Variants in ANO6 observed in about 807,000 individuals in gnomAD.
ANO6 encodes the protein anoctamin-6.
Under a neutral mutation model 117.5 loss-of-function variants are expected in ANO6, and 106 were observed. That is an observed-to-expected ratio of 0.90 (90% CI 0.77 to 1.06). The LOEUF (loss-of-function observed/expected upper bound fraction) is 1.06. Ranked by LOEUF, ANO6 falls within the 50% of genes least tolerant of loss-of-function variation. The probability of loss-of-function intolerance (pLI) is 0.00; values close to 1 mark genes in which losing one functional copy is unlikely to be tolerated. For missense variants in ANO6, 955 were observed against 1,121.1 expected (o/e 0.85, Z 2.12); for synonymous variants, 367 against 385.1 (o/e 0.95, Z 0.55).
At chr12:45,395,276 C>T (rs981397781) in intron 12 of ANO6, among the ~76,000 whole-genome samples, 2 of 152,110 alleles carry the variant, frequency 1.3e-5, no homozygotes, top group African/African-American at 4.8e-5. Flanking sequence ...ATACACCCTC[C>T]CAACACTAAA....
intron 1 of ANO6, among the ~76,000 whole-genome samples, chr12:45,252,001 C>T (rs1057507814): frequency 6.6e-6 from 1 of 152,178 alleles, no homozygotes; most frequent in African/African-American, 2.4e-5. Flanking sequence ...CACTTCGTGG[C>T]CCCTCAATCA....
chr12:45,394,986 A>G (rs1282980985), intron 12 of ANO6, among the ~76,000 whole-genome samples: 1 of 152,114 alleles, frequency 6.6e-6, no homozygotes. Flanking sequence ...GCAAGAAATA[A>G]CTAAGAGCAG....
chr12:45,312,009 T>C (rs1349364973), intron 2 of ANO6, among the ~76,000 whole-genome samples: 3 of 152,090 alleles, frequency 2.0e-5, no homozygotes, highest in Non-Finnish European at 2.9e-5. Context: ...GTGTTCATTC[T>C]ACCTGGTTTT....
rs896988308 is a variant in ANO6 at position 45,262,918 on chromosome 12, C to T, written c.71-39096C>T. Among the ~76,000 whole-genome samples the T allele has an allele frequency of 1.5e-4, 23 of 152,198 alleles. 1 individual carries two copies. The highest frequency in any genetic ancestry group is 1.3e-3 in the Admixed American group (20 of 15,282). On this transcript the variant is annotated intron_variant, in intron 1 of 19. Coordinates refer to ENST00000320560, the MANE Select transcript of ANO6 (RefSeq NM_001025356.3). Reference sequence around the variant, plus strand: ...GTAGTGAACAAAACATGGCTTTTGTCCTTCAGGACCTGTTGGAGGAAATGG... The same window carrying T: ...GTAGTGAACAAAACATGGCTTTTGTTCTTCAGGACCTGTTGGAGGAAATGG...
intron 1 of ANO6, chr12:45,292,697 G>A (rs1939141921): frequency 7.6e-7 from 1 of 1,316,544 alleles, no homozygotes; most frequent in African/African-American, 1.5e-5. Context: ...GGCAGAGGAG[G>A]CTTGTAGGAA....
At chr12:45,255,818 G>GGTTTTTTTTTTTTTTTTTTTTTTTTTTT (rs749001458) in intron 1 of ANO6, among the ~76,000 whole-genome samples, 4 of 81,692 alleles carry the variant, frequency 4.9e-5, no homozygotes, top group African/African-American at 1.8e-4. Flanking sequence ...CTCCCTGGGT[G>GGTTTTTTTTTTTTTTTTTTTTTTTTTTT]TTTTTTTTTT....
chr12:45,402,144 A>G, intron 13 of ANO6, 124 bp downstream of exon 13: 1 of 798,680 alleles, frequency 1.3e-6, no homozygotes, highest in Non-Finnish European at 2.0e-6. Flanking sequence ...TTTCAAGTGT[A>G]AACATATTTT....
chr12:45,320,624 A>G (rs554525272), intron 2 of ANO6, among the ~76,000 whole-genome samples: 4 of 152,174 alleles, frequency 2.6e-5, no homozygotes, highest in East Asian at 1.9e-4. Context: ...TTCTGTAGCT[A>G]TCTATTAGGT....
intron 1 of ANO6, among the ~76,000 whole-genome samples, chr12:45,262,144 C>A (rs920044231): frequency 6.6e-6 from 1 of 151,990 alleles, no homozygotes; most frequent in Admixed American, 6.6e-5. Flanking sequence ...CAAAAATCAC[C>A]CCAACACTAC....
At chr12:45,399,028 A>G (rs1942707544) in intron 12 of ANO6, among the ~76,000 whole-genome samples, 1 of 152,184 alleles carries the variant, frequency 6.6e-6, no homozygotes, top group Non-Finnish European at 1.5e-5. Flanking sequence ...AGTCAAAGCT[A>G]GATAACTGCA....
intron 3 of ANO6, among the ~76,000 whole-genome samples, chr12:45,338,058 A>G (rs1166974334): frequency 6.6e-6 from 1 of 152,136 alleles, no homozygotes; most frequent in Non-Finnish European, 1.5e-5. Flanking sequence ...GAGTAATAAA[A>G]TGATTTATTA....
intron 19 of ANO6, among the ~76,000 whole-genome samples, chr12:45,425,016 G>C (rs1943466846): frequency 6.6e-6 from 1 of 152,034 alleles, no homozygotes; most frequent in Non-Finnish European, 1.5e-5. Context: ...GTAACCTCAA[G>C]GGTTTGTTTG....
chr12:45,295,760 CA>C (rs145572050), intron 1 of ANO6, among the ~76,000 whole-genome samples: 217 of 149,426 alleles, frequency 1.5e-3, no homozygotes, highest in African/African-American at 5.0e-3. Flanking sequence ...GGGGTTTCAC[CA>C]CTTTAGCCAG....
intron 1 of ANO6, among the ~76,000 whole-genome samples, chr12:45,240,180 G>A (rs978130430): frequency 3.3e-4 from 50 of 151,870 alleles, no homozygotes; most frequent in African/African-American, 1.1e-3. Flanking sequence ...AGGTCTCCAA[G>A]GACTTGCTTT....
At chr12:45,424,660 A>G (rs1943455458) in intron 19 of ANO6, among the ~76,000 whole-genome samples, 1 of 152,116 alleles carries the variant, frequency 6.6e-6, no homozygotes, top group Non-Finnish European at 1.5e-5. Flanking sequence ...TTAATAGGGC[A>G]GTGAGCAATA....
At chr12:45,426,685 C>T (rs936925336) in intron 19 of ANO6, among the ~76,000 whole-genome samples, 56 of 152,206 alleles carry the variant, frequency 3.7e-4, no homozygotes, top group African/African-American at 1.3e-3. Flanking sequence ...TCACTGGGCT[C>T]CTAGGAAAGT....
At chr12:45,410,000 C>T (rs1943045105) in intron 16 of ANO6, among the ~76,000 whole-genome samples, 1 of 152,224 alleles carries the variant, frequency 6.6e-6, no homozygotes. Flanking sequence ...AAATGATCCA[C>T]CCACCTTAGC....
intron 1 of ANO6, among the ~76,000 whole-genome samples, chr12:45,252,199 AACACACCATCAC>A (rs1937644838): frequency 6.6e-6 from 1 of 152,232 alleles, no homozygotes; most frequent in African/African-American, 2.4e-5. Flanking sequence ...CACCTGGCAG[AACACACCATCAC>A]ACACACAAAA....
rs1943616362 is a variant in ANO6 at position 45,430,914 on chromosome 12, A to T, written c.*1603A>T. 2 of 985,286 alleles carry T rather than the reference A, an allele frequency of 2.0e-6. No homozygotes were observed. The highest frequency in any genetic ancestry group is 1.7e-5 in the African/African-American group (1 of 57,220). 61.0% of individuals were successfully genotyped at this position (985,286 alleles called of 1,614,324 possible). A position where few individuals can be genotyped will look rare whatever the true frequency, so the allele number is the denominator to read the frequency against. ...GTCATGCTGCATGGGCTTCACTGGGATGCTGTTAAACACCAGAGGAGCCAA... is the reference window on the plus strand; with the variant it reads ...GTCATGCTGCATGGGCTTCACTGGGTTGCTGTTAAACACCAGAGGAGCCAA... On this transcript the variant is annotated 3_prime_UTR_variant, in exon 20 of 20. Coordinates refer to ENST00000320560, the MANE Select transcript of ANO6 (RefSeq NM_001025356.3).
Sources: allele counts gnomAD v4.1 joint callset (sites outside exome capture counted in the v4.1 genomes callset), GRCh38; gene constraint gnomAD v4.1.1; transcripts MANE v1.5; gene names NCBI Gene and HGNC (gene_info 2026-07-23, HGNC 2026-07-21).